The following UNC79 variants were observed in gnomAD, a reference collection of about 807,000 sequenced individuals.
The protein encoded by UNC79 is protein unc-79 homolog.
UNC79 carries 37 observed loss-of-function variants against 283.1 expected under a neutral mutation model. The observed-to-expected ratio is 0.13, with a 90% CI of 0.10 to 0.17. The LOEUF is 0.17. Ranked by LOEUF, UNC79 falls within the 10% of genes least tolerant of loss-of-function variation. The pLI is 1.00. For missense variants in UNC79, 2,272 were observed against 3,211.1 expected (o/e 0.71, Z 7.07); for synonymous variants, 1,107 against 1,200.2 (o/e 0.92, Z 1.61).
At chr14:93,431,314 A>G (rs1044391301) in intron 1 of UNC79, among the ~76,000 whole-genome samples, 15 of 151,926 alleles carry the variant, frequency 9.9e-5, no homozygotes, top group Non-Finnish European at 1.8e-4. Context: ...ACCCTGCGAA[A>G]TGAAATTAAA....
intron 14 of UNC79, among the ~76,000 whole-genome samples, chr14:93,560,690 A>C (rs1028842602): frequency 7.2e-5 from 11 of 152,190 alleles, no homozygotes; most frequent in African/African-American, 2.4e-4. Flanking sequence ...ACTAGTGTGC[A>C]TGTGCCTGTC....
At chr14:93,395,565 TGATG>T (rs908389728) in intron 1 of UNC79, among the ~76,000 whole-genome samples, 1 of 152,180 alleles carries the variant, frequency 6.6e-6, no homozygotes, top group Non-Finnish European at 1.5e-5. Flanking sequence ...ATCCACCAGG[TGATG>T]GGGAGGGCCC....
chr14:93,630,655 G>A (rs1345060266), intron 30 of UNC79, 146 bp from the exon 33 acceptor site: 3 of 628,320 alleles, frequency 4.8e-6, no homozygotes, highest in Non-Finnish European at 8.3e-6. Flanking sequence ...TAGTGTATAT[G>A]TAATTCCATG....
intron 20 of UNC79, among the ~76,000 whole-genome samples, chr14:93,584,723 G>T (rs961085608): frequency 6.6e-6 from 1 of 152,048 alleles, no homozygotes; most frequent in Non-Finnish European, 1.5e-5. Context: ...TTGAGACAGG[G>T]TCTTACTGTG....
intron 22 of UNC79, 45 bp from the exon 23 acceptor site, chr14:93,593,635 A>G (rs2064852203): frequency 6.4e-7 from 1 of 1,569,628 alleles, no homozygotes. Flanking sequence ...TTTTCTGGAA[A>G]AGTTGTGATA....
At position 93,516,450 on chromosome 14, in the gene UNC79, T is replaced by TGG. The variant is rs34400311; in HGVS notation, c.899-7518_899-7517dup. ...AAACAATCTGCTTGGATATTTTTTT[T>TGG]GGGGGGGGGGGTGGGGGATGGAGTC... On this transcript the variant is annotated intron_variant, in intron 7 of 48. Coordinates refer to ENST00000555664, the Ensembl canonical transcript of UNC79. Among the ~76,000 whole-genome samples, 239 of 78,140 alleles carry TGG rather than the reference T, an allele frequency of 3.1e-3. 3 individuals carry two copies. The highest frequency in any genetic ancestry group is 4.2e-3 in the South Asian group (8 of 1,924). 51.3% of individuals were successfully genotyped at this position (78,140 alleles called of 152,430 possible). A position where few individuals can be genotyped will look rare whatever the true frequency, so the allele number is the denominator to read the frequency against.
intron 5 of UNC79, 24 bp downstream of exon 5, chr14:93,487,779 G>T (rs2058516525): frequency 2.5e-6 from 4 of 1,601,460 alleles, no homozygotes; most frequent in Non-Finnish European, 3.4e-6. Flanking sequence ...GGAATGGTTT[G>T]ACTAATTCTA....
At chr14:93,555,000 C>T (rs1178901729) in intron 14 of UNC79, among the ~76,000 whole-genome samples, 1 of 152,136 alleles carries the variant, frequency 6.6e-6, no homozygotes, top group Non-Finnish European at 1.5e-5. Context: ...CAGGCCTTAC[C>T]TAGAATCTAA....
At chr14:93,706,373 C>T (rs2075880148) in intron 48 of UNC79, among the ~76,000 whole-genome samples, 2 of 152,198 alleles carry the variant, frequency 1.3e-5, no homozygotes, top group Admixed American at 6.5e-5. Context: ...CCGGGCACTT[C>T]ACCACCACAC....
Position 93,617,079 on chromosome 14 carries a change from CTTTG to C in UNC79, c.4042-41_4042-38del. ...TTTTTCCTTTTGACCTCTGAGTGTT[CTTTG>C]TAGTTTTCCATCAGTTATTAATATT... On this transcript the variant is annotated intron_variant, in intron 27 of 48. Transcript: ENST00000555664. This position sits in a 1 kb window ranked among gnomAD's most constrained non-coding sequence, Gnocchi z 4.5. The C allele has an allele frequency of 6.4e-7, 1 of 1,557,646 alleles. No individual in the cohort carries two copies. The highest frequency in any genetic ancestry group is 8.7e-7 in the Non-Finnish European group (1 of 1,146,162).
chr14:93,541,046 C>A (rs1196520924), intron 13 of UNC79, among the ~76,000 whole-genome samples: 1 of 152,134 alleles, frequency 6.6e-6, no homozygotes, highest in African/African-American at 2.4e-5. Context: ...GATCGCATTC[C>A]AGAATCTTGG....
chr14:93,628,425 T>C (rs2067736777), intron 30 of UNC79, among the ~76,000 whole-genome samples: 1 of 152,270 alleles, frequency 6.6e-6, no homozygotes, highest in Non-Finnish European at 1.5e-5. Flanking sequence ...TTCTCTGCGA[T>C]GCCCTACTCT....
intron 47 of UNC79, among the ~76,000 whole-genome samples, chr14:93,704,007 C>T (rs1464073687): frequency 6.6e-6 from 1 of 152,180 alleles, no homozygotes; most frequent in Non-Finnish European, 1.5e-5. Flanking sequence ...ATGACCTCCT[C>T]CCAGGAAGGA....
intron 39 of UNC79, 103 bp from the exon 43 acceptor site, chr14:93,662,501 A>T (rs1049986838): frequency 2.4e-5 from 19 of 776,862 alleles, no homozygotes; most frequent in Non-Finnish European, 3.4e-5. Flanking sequence ...GTTTTCAATT[A>T]AAAAAAAGTG....
intron 17 of UNC79, among the ~76,000 whole-genome samples, chr14:93,576,639 A>G (rs1595919977): frequency 6.6e-6 from 1 of 152,332 alleles, no homozygotes. Context: ...ACAGTCCAGT[A>G]GAAAGTCCTT....
chr14:93,353,913 A>G (rs1595378954), intron 1 of UNC79, among the ~76,000 whole-genome samples: 1 of 152,242 alleles, frequency 6.6e-6, no homozygotes, highest in East Asian at 1.9e-4. Context: ...AACTTGCCCT[A>G]GAAGAGGAGA....
intron 1 of UNC79, among the ~76,000 whole-genome samples, chr14:93,363,447 G>T (rs1314990259): frequency 6.6e-6 from 1 of 152,132 alleles, no homozygotes; most frequent in Non-Finnish European, 1.5e-5. Flanking sequence ...TGTTGTTGTT[G>T]GGTGGAGTGT....
intron 14 of UNC79, among the ~76,000 whole-genome samples, chr14:93,545,947 T>TGGGTTGGAGATGAAATCATAGG (rs1455466247): frequency 1.3e-5 from 2 of 152,070 alleles, no homozygotes; most frequent in African/African-American, 4.8e-5. Context: ...TGCTGATGGT[T>TGGGTTGGAGATGAAATCATAGG]GGGTTGGAGA....
chr14:93,450,889 A>G (rs747262462), intron 1 of UNC79, among the ~76,000 whole-genome samples: 8 of 152,090 alleles, frequency 5.3e-5, no homozygotes, highest in Non-Finnish European at 1.0e-4. Context: ...GAAACTCCTT[A>G]TATCCTGATA....
Sources: gnomAD v4.1 joint callset for allele counts (sites outside exome capture counted in the v4.1 genomes callset) on GRCh38, gnomAD v4.1.1 for gene constraint, Gnocchi (gnomAD v3.1) non-coding constraint, MANE v1.5 for transcripts, NCBI Gene and HGNC (gene_info 2026-07-23, HGNC 2026-07-21) for gene names.